Variants in TFDP2 observed in about 807,000 individuals in gnomAD.
The protein encoded by TFDP2 is transcription factor Dp-2 (E2F dimerization partner 2).
In TFDP2, 17 loss-of-function variants were observed where a neutral mutation model predicts 59.3. The observed-to-expected ratio is 0.29, with a 90% CI of 0.20 to 0.43. The LOEUF (loss-of-function observed/expected upper bound fraction) is 0.43, where lower values mean the gene tolerates loss of function less well. Among genes scored for constraint, TFDP2 ranks in the 20% least tolerant of loss-of-function variants. The probability of loss-of-function intolerance (pLI) is 1.00; values close to 1 mark genes in which losing one functional copy is unlikely to be tolerated. For synonymous variants in TFDP2, 180 were observed against 194.7 expected (o/e 0.92, Z 0.63); for missense variants, 391 against 528.8 (o/e 0.74, Z 2.56).
chr3:142,061,885 TCTCTACACACACACACACAC>T (rs2059920756), intron 3 of TFDP2, among the ~76,000 whole-genome samples: 1 of 66,764 alleles, frequency 1.5e-5, no homozygotes, highest in African/African-American at 6.2e-5. Context: ...TCTCTCTCTC[TCTCTACACACACACACACAC>T]ACACACACAC....
intron 3 of TFDP2, among the ~76,000 whole-genome samples, chr3:142,070,597 G>A (rs184656023): frequency 6.6e-6 from 1 of 152,274 alleles, no homozygotes; most frequent in East Asian, 1.9e-4. Context: ...TAATTTTAAA[G>A]TACATATGCC....
At chr3:142,138,953 T>C (rs1374004732) in intron 1 of TFDP2, among the ~76,000 whole-genome samples, 4 of 151,986 alleles carry the variant, frequency 2.6e-5, no homozygotes, top group African/African-American at 4.8e-5. Flanking sequence ...TGATCTAATA[T>C]TGACATTGGG....
chr3:142,074,801 G>A (rs903737570), intron 3 of TFDP2, among the ~76,000 whole-genome samples: 6 of 152,188 alleles, frequency 3.9e-5, no homozygotes, highest in East Asian at 1.9e-4. Context: ...GCAGTGAGCC[G>A]AGATTGTGCT....
At chr3:142,133,989 G>A (rs368891314) in intron 1 of TFDP2, among the ~76,000 whole-genome samples, 14 of 151,546 alleles carry the variant, frequency 9.2e-5, no homozygotes, top group East Asian at 3.9e-4. Context: ...AGCCGAGATC[G>A]CGCCACTGCA....
intron 3 of TFDP2, among the ~76,000 whole-genome samples, chr3:142,023,040 A>C (rs1945744741): frequency 6.7e-6 from 1 of 148,800 alleles, no homozygotes; most frequent in Non-Finnish European, 1.5e-5. Flanking sequence ...GAATTGCTTG[A>C]ACCCGGGAGG....
intron 3 of TFDP2, among the ~76,000 whole-genome samples, chr3:142,080,538 T>G (rs1390485761): frequency 6.6e-6 from 1 of 152,030 alleles, no homozygotes; most frequent in Non-Finnish European, 1.5e-5. Flanking sequence ...AACTCTCCAA[T>G]CAAAAGACAT....
Position 142,149,422 on chromosome 3 carries a change from C to T in TFDP2, c.-332G>A. On this transcript the variant is annotated 5_prime_UTR_variant, in exon 1 of 13. Transcript: ENST00000489671. ...AGATGAAGGGTCAGGGCGCGCCCCG[C>T]GGGCCGGGCAGCTGCGGCAGCGCCG... 2 of 383,718 alleles carry T rather than the reference C, an allele frequency of 5.2e-6. No homozygotes were observed. Among genetic ancestry groups the T allele is most frequent in the Non-Finnish European group, 4.6e-6 (1 of 216,830 alleles). The allele number at this position is 383,718 out of a possible 1,614,324, so 23.8% of individuals were successfully genotyped here.
Position 142,126,906 on chromosome 3 carries a change from G to A in TFDP2, c.-93+22277C>T, listed in dbSNP as rs551666935. Among the ~76,000 whole-genome samples, 11 of 145,506 alleles carry A rather than the reference G, an allele frequency of 7.6e-5. No individual in the cohort carries two copies. The East Asian group carries it at 8.0e-4, about 11-fold the overall frequency. On this transcript the variant is annotated intron_variant, in intron 1 of 12. Coordinates refer to ENST00000489671, the MANE Select transcript of TFDP2 (RefSeq NM_001178139.2). ...GGTTGCAGTGAGCCAAGGTCTTGCC[G>A]CTGCACTCCAGTCTGGGTGACAGAG...
chr3:142,022,579 A>T (rs1945698656), intron 3 of TFDP2, among the ~76,000 whole-genome samples: 1 of 152,106 alleles, frequency 6.6e-6, no homozygotes, highest in Non-Finnish European at 1.5e-5. Flanking sequence ...ATTTTATCTC[A>T]TACCAACAGC....
At chr3:142,144,285 A>T (rs1014356848) in intron 1 of TFDP2, among the ~76,000 whole-genome samples, 2 of 152,012 alleles carry the variant, frequency 1.3e-5, no homozygotes, top group Non-Finnish European at 2.9e-5. Flanking sequence ...GAGGCACAAG[A>T]ATCACTTGAA....
Position 141,969,788 on chromosome 3 carries a change from T to A in TFDP2, c.732+285A>T, listed in dbSNP as rs11569254. On this transcript the variant is annotated intron_variant, in intron 9 of 12. Transcript: ENST00000489671. ...AAATAAACAAACACAAAAAGACCCC[T>A]GACAGTTTATGTTTAGAGAGGCCTG... Among the ~76,000 whole-genome samples, 150 of 152,314 alleles carry A rather than the reference T, an allele frequency of 9.8e-4. 4 individuals are homozygous for A. The South Asian group carries it at 0.031, about 31-fold the overall frequency.
At chr3:141,986,350 A>G (rs1223629151) in intron 6 of TFDP2, among the ~76,000 whole-genome samples, 1 of 152,260 alleles carries the variant, frequency 6.6e-6, no homozygotes, top group Non-Finnish European at 1.5e-5. Flanking sequence ...CCTTCTAGTT[A>G]CAGTTCCACC....
chr3:141,978,718 C>A, intron 6 of TFDP2, 36 bp from the exon 7 acceptor site: 1 of 1,457,884 alleles, frequency 6.9e-7, no homozygotes, highest in Admixed American at 2.4e-5. Context: ...CTCCATTATA[C>A]ATATTAGAGA....
In TFDP2 at chr3:141,998,387, G is replaced by C. The variant is rs1367213842; in HGVS notation, c.187-3246C>G. On this transcript the variant is annotated intron_variant, in intron 4 of 12. Coordinates refer to ENST00000489671, the MANE Select transcript of TFDP2 (RefSeq NM_001178139.2). Reference sequence around the variant, plus strand: ...TTGGGAGCCTAAGGCAGGTGAGGTAGGCTCCCATTTGAGGTAGGGAGTTCG... The same window carrying C: ...TTGGGAGCCTAAGGCAGGTGAGGTACGCTCCCATTTGAGGTAGGGAGTTCG... Among the ~76,000 whole-genome samples the C allele has an allele frequency of 2.0e-5, 3 of 152,058 alleles. No individual in the cohort carries two copies. In the East Asian group the frequency reaches 5.8e-4, roughly 29 times the overall value.
At chr3:141,999,084 C>A (rs1943540306) in intron 4 of TFDP2, among the ~76,000 whole-genome samples, 1 of 152,162 alleles carries the variant, frequency 6.6e-6, no homozygotes, top group Admixed American at 6.6e-5. Flanking sequence ...CTGGGCAGGT[C>A]CACTTATACA....
rs759835151 is a variant in TFDP2 at position 141,959,739 on chromosome 3, C to A, written c.986G>T (p.Cys329Phe). Residue 329 changes from cysteine (C) to phenylalanine (F), a missense_variant, in exon 11 of 13, where the codon TGC becomes TTC. Around this residue, in one of 3 missense-constraint regions of TFDP2, gnomAD observed 223 missense variants for 292.5 expected, o/e 0.76. Transcript: ENST00000489671. ...CGCAAGTTTCAGATCCTCCAGAGAG[C>A]ATTTGCCTGACTCCAGGCCAAACGA... The part of the protein sequence containing the change: ...GMSFGLESGK[C>F]SLEDLKLAKS... The A allele has an allele frequency of 5.0e-6, 8 of 1,614,152 alleles. No homozygotes were observed. Among genetic ancestry groups the A allele is most frequent in the Non-Finnish European group, 6.8e-6 (8 of 1,180,014 alleles).
At chr3:141,992,586 T>C (rs1379128028) in intron 6 of TFDP2, among the ~76,000 whole-genome samples, 1 of 152,250 alleles carries the variant, frequency 6.6e-6, no homozygotes, top group Non-Finnish European at 1.5e-5. Context: ...GAAAGAGGAC[T>C]TTCTGTTAGA....
At chr3:142,030,835 C>G (rs557529639) in intron 3 of TFDP2, among the ~76,000 whole-genome samples, 29 of 150,330 alleles carry the variant, frequency 1.9e-4, no homozygotes, top group Non-Finnish European at 3.4e-4. Context: ...CTCCGCCTCC[C>G]GGGTTCACGC....
intron 3 of TFDP2, among the ~76,000 whole-genome samples, chr3:142,070,832 T>C (rs1365334973): frequency 1.3e-5 from 2 of 152,264 alleles, no homozygotes; most frequent in South Asian, 2.1e-4. Context: ...TGGTACATCA[T>C]TGGCCATTTC....
Sources: allele counts gnomAD v4.1 joint callset (sites outside exome capture counted in the v4.1 genomes callset), GRCh38; gene constraint gnomAD v4.1.1; regional missense constraint gnomAD v4.1.1; transcripts MANE v1.5; gene names NCBI Gene and HGNC (gene_info 2026-07-23, HGNC 2026-07-21).